The following SNAPIN variants were observed in gnomAD, a reference collection of about 807,000 sequenced individuals.
SNAPIN encodes the protein SNAP associated protein, also known as SNARE-associated protein Snapin.
A neutral mutation model predicts 15.9 loss-of-function variants in SNAPIN; 16 were observed. That is an observed-to-expected ratio of 1.01 (90% CI 0.68 to 1.53). The LOEUF is 1.53. SNAPIN is among the 40% of genes most tolerant of loss of function. SNAPIN has a pLI of 0.00. For synonymous variants in SNAPIN, 83 were observed against 76.2 expected (o/e 1.09, Z -0.46); for missense variants, 186 against 180.1 (o/e 1.03, Z -0.19).
intron 2 of SNAPIN, 57 bp from the exon 3 acceptor site, chr1:153,659,391 C>A: frequency 1.4e-6 from 2 of 1,434,588 alleles, no homozygotes; most frequent in African/African-American, 1.4e-5. Context: ...AGCCTGCTTT[C>A]CCTCAGAACA....
Position 153,661,277 on chromosome 1 carries a change from C to G in SNAPIN, c.387C>G (p.Tyr129Ter), listed in dbSNP as rs775306833. 7 of 1,611,236 alleles carry G rather than the reference C, an allele frequency of 4.3e-6. No homozygotes were observed. In the African/African-American group the frequency reaches 5.3e-5, roughly 12 times the overall value. Residue 129 changes from tyrosine to a stop codon, truncating the protein, a stop_gained, in exon 4 of 4, where the codon TAC (tyrosine) becomes TAG (stop). Coordinates refer to ENST00000368685, the MANE Select transcript of SNAPIN (RefSeq NM_012437.6). LOFTEE classifies it high-confidence loss of function. ...GAGCAATGCTGGATTCGGGAATTTA[C>G]CCCCCTGGCTCCCCAGGCAAATAAC... is the stretch of plus-strand genomic sequence containing the variant. Reference protein sequence around the residue: ...RRRAMLDSGIYPPGSPGK With the variant: ...RRRAMLDSGI
In SNAPIN at chr1:153,659,571, A is replaced by G. The variant is rs746163125; in HGVS notation, c.309+5A>G. The G allele has an allele frequency of 2.5e-5, 40 of 1,584,856 alleles. No individual in the cohort carries two copies. The highest frequency in any genetic ancestry group is 8.7e-6 in the Non-Finnish European group (10 of 1,153,406). ...AACATTCTACAGAATGCTCAGGTAA[A>G]AGAATATCTTACCAACAGTGATTCT... On this transcript the variant is annotated splice_donor_5th_base_variant and intron_variant, in intron 3 of 3. Transcript: ENST00000368685.
At chr1:153,659,358 C>T in intron 2 of SNAPIN, 90 bp from the exon 3 acceptor site, 1 of 1,279,540 alleles carries the variant, frequency 7.8e-7, no homozygotes, top group Non-Finnish European at 1.1e-6. Flanking sequence ...CGTTTGGGTG[C>T]AAGTGTTTTC....
At chr1:153,659,368 C>G in intron 2 of SNAPIN, 80 bp from the exon 3 acceptor site, 1 of 1,326,236 alleles carries the variant, frequency 7.5e-7, no homozygotes, top group Non-Finnish European at 1.1e-6. Context: ...CAAGTGTTTT[C>G]CATCCCATTA....
Position 153,658,805 on chromosome 1 carries a change from G to T in SNAPIN, c.62G>T (p.Gly21Val). The change falls in exon 1 of 4, where the codon GGC becomes GTC. Residue 21 changes from glycine (G) to valine (V), a missense_variant. Transcript: ENST00000368685. ...GAGTPVAGPT[G>V]RDLFAEGLLE... ...GGGACCCCGGTGGCGGGGCCCACAGGCCGCGACCTTTTCGCCGAAGGGCTG... is the reference window on the plus strand; with the variant it reads ...GGGACCCCGGTGGCGGGGCCCACAGTCCGCGACCTTTTCGCCGAAGGGCTG... 1 of 1,593,516 alleles carries T rather than the reference G, an allele frequency of 6.3e-7. No homozygotes were observed. Among genetic ancestry groups the T allele is most frequent in the Non-Finnish European group, 8.5e-7 (1 of 1,174,534 alleles).
At chr1:153,660,960 G>C (rs112233533) in intron 3 of SNAPIN, among the ~76,000 whole-genome samples, 6 of 151,532 alleles carry the variant, frequency 4.0e-5, no homozygotes, top group Admixed American at 1.3e-4. Flanking sequence ...TAGTAGAGAC[G>C]GGTTTTACCA....
At chr1:153,660,819 C>G (rs1455123729) in intron 3 of SNAPIN, among the ~76,000 whole-genome samples, 2 of 145,812 alleles carry the variant, frequency 1.4e-5, no homozygotes, top group Non-Finnish European at 3.0e-5. Context: ...AGTTCTCCCT[C>G]TGTCACCCAG....
intron 1 of SNAPIN, 59 bp from the exon 2 acceptor site, chr1:153,659,079 A>T (rs191543583): frequency 1.3e-6 from 2 of 1,589,272 alleles, no homozygotes; most frequent in Non-Finnish European, 8.6e-7. Context: ...TACGTAGGGG[A>T]GTTCGTTTCC....
In SNAPIN at chr1:153,658,748, C is replaced by A; in HGVS notation, c.5C>A (p.Ala2Glu). 1 of 1,559,736 alleles carries A rather than the reference C, an allele frequency of 6.4e-7. No individual in the cohort carries two copies. The highest frequency in any genetic ancestry group is 8.6e-7 in the Non-Finnish European group (1 of 1,160,804). M[A>E]GAGSAAVSGA... ...CGGGCTTCAGGACAATTCGTGATGG[C>A]GGGGGCTGGTTCCGCCGCTGTATCG... is the stretch of plus-strand genomic sequence containing the variant. Residue 2 changes from alanine (A) to glutamate (E), a missense_variant, in exon 1 of 4, where the codon GCG becomes GAG. Coordinates refer to ENST00000368685, the MANE Select transcript of SNAPIN (RefSeq NM_012437.6).
intron 3 of SNAPIN, 36 bp from the exon 4 acceptor site, chr1:153,661,164 C>T (rs1414933895): frequency 1.3e-6 from 2 of 1,560,076 alleles, no homozygotes; most frequent in South Asian, 1.1e-5. Context: ...AAGCCTTTCA[C>T]AGTGGTTAAG....
intron 3 of SNAPIN, among the ~76,000 whole-genome samples, chr1:153,659,994 C>T (rs968748121): frequency 3.9e-5 from 6 of 151,998 alleles, no homozygotes; most frequent in Non-Finnish European, 7.4e-5. Context: ...CTTGGCCACC[C>T]GAAGTGCTGA....
chr1:153,660,599 G>A (rs1669124221), intron 3 of SNAPIN, among the ~76,000 whole-genome samples: 1 of 145,564 alleles, frequency 6.9e-6, no homozygotes, highest in Non-Finnish European at 1.5e-5. Context: ...GGTGAGCTGA[G>A]ATCGCACCAT....
intron 1 of SNAPIN, 74 bp downstream of exon 1, chr1:153,658,960 G>C: frequency 6.3e-7 from 1 of 1,599,072 alleles, no homozygotes; most frequent in Non-Finnish European, 8.5e-7. Flanking sequence ...AAGTGTTCTG[G>C]CTGGGAGTGG....
chr1:153,659,943 C>T (rs1335688105), intron 3 of SNAPIN, among the ~76,000 whole-genome samples: 1 of 152,178 alleles, frequency 6.6e-6, no homozygotes, highest in Non-Finnish European at 1.5e-5. Flanking sequence ...CCATGTTGCC[C>T]AGGCTGGTCT....
At chr1:153,658,987 C>T in intron 1 of SNAPIN, 101 bp downstream of exon 1, 2 of 1,584,660 alleles carry the variant, frequency 1.3e-6, no homozygotes, top group Non-Finnish European at 1.7e-6. Context: ...ATTTAGGAAA[C>T]TGATTCGAGG....
In SNAPIN at chr1:153,658,834, G is replaced by A; in HGVS notation, c.91G>A (p.Glu31Lys). The A allele has an allele frequency of 1.9e-6, 3 of 1,601,156 alleles. No individual in the cohort carries two copies. Among genetic ancestry groups the A allele is most frequent in the Middle Eastern group, 1.7e-4 (1 of 6,002 alleles). The change falls in exon 1 of 4, where the codon GAG (glutamate) becomes AAG (lysine). Residue 31 changes from glutamate to lysine, a missense_variant. By Grantham distance (56) the Glu-to-Lys change is moderately conservative (BLOSUM62 1). Transcript: ENST00000368685. ...CGACCTTTTCGCCGAAGGGCTGCTG[G>A]AGTTCCTGCGACCCGCTGTGCAGCA... ...GRDLFAEGLLEFLRPAVQQLD... is the reference protein window; with the variant it reads ...GRDLFAEGLLKFLRPAVQQLD...
intron 3 of SNAPIN, 152 bp from the exon 4 acceptor site, chr1:153,661,048 G>A (rs1669143047): frequency 1.9e-6 from 1 of 538,550 alleles, no homozygotes; most frequent in Non-Finnish European, 3.4e-6. Context: ...GGGATTACAA[G>A]TGTGAGCCAC....
chr1:153,660,651 G>GAAAAA (rs936959398), intron 3 of SNAPIN, among the ~76,000 whole-genome samples: 3 of 112,538 alleles, frequency 2.7e-5, no homozygotes, highest in African/African-American at 7.1e-5. Flanking sequence ...TCCGTCTCGG[G>GAAAAA]AAAAAAAAAA....
intron 3 of SNAPIN, among the ~76,000 whole-genome samples, chr1:153,660,167 C>G (rs533169447): frequency 1.3e-5 from 2 of 152,136 alleles, no homozygotes; most frequent in South Asian, 4.1e-4. Flanking sequence ...GGACTACAGG[C>G]ATGCACCACC....
Sources: allele counts gnomAD v4.1 joint callset (sites outside exome capture counted in the v4.1 genomes callset), GRCh38; gene constraint gnomAD v4.1.1; transcripts MANE v1.5; gene names NCBI Gene and HGNC (gene_info 2026-07-23, HGNC 2026-07-21).